Variants in GAD2 observed in about 807,000 individuals in gnomAD.
The protein encoded by GAD2 is glutamate decarboxylase 2.
GAD2 carries 22 observed loss-of-function variants against 80.1 expected under a neutral mutation model. The ratio of observed to expected loss-of-function variants is 0.27; its 90% CI spans 0.20 to 0.39. The LOEUF (loss-of-function observed/expected upper bound fraction) is 0.39, where lower values mean the gene tolerates loss of function less well. Ranked by LOEUF, GAD2 falls within the 10% of genes least tolerant of loss-of-function variation. The pLI, the probability that GAD2 is intolerant of heterozygous loss-of-function variation, is 1.00. For synonymous variants in GAD2, 274 were observed against 256.9 expected (o/e 1.07, Z -0.64); for missense variants, 624 against 738.4 (o/e 0.85, Z 1.80).
chr10:26,258,567 C>T (rs1377391203), intron 8 of GAD2, among the ~76,000 whole-genome samples: 2 of 152,116 alleles, frequency 1.3e-5, no homozygotes, highest in Non-Finnish European at 2.9e-5. Flanking sequence ...CCCCAGGAAA[C>T]GTCCACTCCA....
intron 11 of GAD2, among the ~76,000 whole-genome samples, chr10:26,276,719 T>C (rs1358539417): frequency 6.6e-6 from 1 of 152,212 alleles, no homozygotes; most frequent in Admixed American, 6.5e-5. Context: ...CTTTAGTCTC[T>C]CCTGCCCACA....
At chr10:26,285,695 A>T (rs546950027) in intron 12 of GAD2, among the ~76,000 whole-genome samples, 2 of 152,196 alleles carry the variant, frequency 1.3e-5, no homozygotes, top group East Asian at 3.9e-4. Flanking sequence ...TGAAGCTCTG[A>T]CCACTCTTGA....
In GAD2 at chr10:26,263,565, C is replaced by T. The variant is rs566571388; in HGVS notation, c.921-5554C>T. ...CAATTCATCTTCAACAATTTTTTCC[C>T]CAAGTCAGTCTATGCAGTTTCTGTA... is the stretch of plus-strand genomic sequence containing the variant. On this transcript the variant is annotated intron_variant, in intron 8 of 15. Coordinates refer to ENST00000376261, the MANE Select transcript of GAD2 (RefSeq NM_001134366.2). Among the ~76,000 whole-genome samples, 57 of 152,282 alleles carry T rather than the reference C, an allele frequency of 3.7e-4. No homozygotes were observed. In the South Asian group the frequency reaches 0.012, roughly 31 times the overall value.
intron 7 of GAD2, among the ~76,000 whole-genome samples, chr10:26,242,034 G>A (rs956967920): frequency 6.6e-6 from 1 of 152,150 alleles, no homozygotes; most frequent in Non-Finnish European, 1.5e-5. Context: ...AGGCTGGAGT[G>A]CAGTGGCGTG....
chr10:26,269,013 G>C (rs1417448873), intron 8 of GAD2, 106 bp from the exon 9 acceptor site: 1 of 710,430 alleles, frequency 1.4e-6, no homozygotes, highest in African/African-American at 1.8e-5. Context: ...TCCGAGTATT[G>C]TTATCAACAG....
At chr10:26,229,874 T>G in intron 7 of GAD2, 97 bp downstream of exon 7, 1 of 850,188 alleles carries the variant, frequency 1.2e-6, no homozygotes, top group Non-Finnish European at 1.9e-6. Context: ...AGAGGCCCTC[T>G]TTCTGGAAGA....
chr10:26,252,993 T>G (rs1208714408), intron 8 of GAD2, among the ~76,000 whole-genome samples: 1 of 152,094 alleles, frequency 6.6e-6, no homozygotes. Context: ...GGGGCTAACT[T>G]TGGGTGACAG....
chr10:26,236,846 A>AC (rs1318758100), intron 7 of GAD2, among the ~76,000 whole-genome samples: 4 of 151,630 alleles, frequency 2.6e-5, no homozygotes, highest in Non-Finnish European at 5.9e-5. Context: ...CCTCCTTCTC[A>AC]CCTCAGGGCC....
chr10:26,248,434 C>T (rs1479124547), intron 8 of GAD2, among the ~76,000 whole-genome samples: 5 of 152,172 alleles, frequency 3.3e-5, no homozygotes, highest in African/African-American at 9.7e-5. Context: ...TCAGTTTCCC[C>T]TCATCTGAGG....
intron 7 of GAD2, among the ~76,000 whole-genome samples, chr10:26,233,912 A>G (rs1844637082): frequency 6.6e-6 from 1 of 152,154 alleles, no homozygotes; most frequent in African/African-American, 2.4e-5. Flanking sequence ...CTCTTCACAC[A>G]TTTTGAGAGG....
chr10:26,271,438 A>G (rs1284119086), intron 10 of GAD2, among the ~76,000 whole-genome samples: 1 of 152,246 alleles, frequency 6.6e-6, no homozygotes, highest in African/African-American at 2.4e-5. Flanking sequence ...AGTATTACTC[A>G]AAGTGTGGTT....
In GAD2 at chr10:26,301,387, A is replaced by G. The variant is rs8190800; in HGVS notation, c.*426A>G. 6.6e-6 allele frequency: 1 copy of G among 152,526 alleles called. No individual in the cohort carries two copies. Among genetic ancestry groups the G allele is most frequent in the Non-Finnish European group, 1.5e-5 (1 of 68,290 alleles). 9.4% of individuals were successfully genotyped at this position (152,526 alleles called of 1,614,324 possible). On this transcript the variant is annotated 3_prime_UTR_variant, in exon 16 of 16. Coordinates refer to ENST00000376261, the MANE Select transcript of GAD2 (RefSeq NM_001134366.2). ...GACAATAAAAACTCTTGCCTTTTTC[A>G]TAGTATTAGAAAAAAATTTCTAATT...
At chr10:26,226,678 A>G (rs1482567263) in intron 6 of GAD2, among the ~76,000 whole-genome samples, 3 of 152,216 alleles carry the variant, frequency 2.0e-5, no homozygotes, top group African/African-American at 7.2e-5. Flanking sequence ...TCTGGGATCT[A>G]AAAGTCTCAT....
chr10:26,238,377 A>G (rs543955754), intron 7 of GAD2, among the ~76,000 whole-genome samples: 6 of 152,280 alleles, frequency 3.9e-5, no homozygotes, highest in Admixed American at 1.3e-4. Context: ...ACACACTTTC[A>G]TTCACTCTTC....
At chr10:26,299,453 T>C (rs956357860) in intron 15 of GAD2, among the ~76,000 whole-genome samples, 1 of 152,226 alleles carries the variant, frequency 6.6e-6, no homozygotes, top group Non-Finnish European at 1.5e-5. Context: ...TCAGATATTA[T>C]ATATTTACAA....
intron 8 of GAD2, among the ~76,000 whole-genome samples, chr10:26,248,990 C>T (rs2132290295): frequency 6.6e-6 from 1 of 151,628 alleles, no homozygotes; most frequent in East Asian, 1.9e-4. Flanking sequence ...AGTAGGAGGC[C>T]CTAGCAATTA....
In GAD2 at chr10:26,236,347, C is replaced by T. The variant is rs375764321; in HGVS notation, c.840+6570C>T. 4.7e-4 allele frequency among the ~76,000 whole-genome samples: 70 copies of T among 148,316 alleles called. 1 individual carries two copies. The East Asian group carries it at 0.012, about 26-fold the overall frequency. On this transcript the variant is annotated intron_variant, in intron 7 of 15. Coordinates refer to ENST00000376261, the MANE Select transcript of GAD2 (RefSeq NM_001134366.2). ...TGGAGTCTCACTCTTGTCGTCCAGGCTGGAGTGCAATGACGCAATCTCAGC... is the reference window on the plus strand; with the variant it reads ...TGGAGTCTCACTCTTGTCGTCCAGGTTGGAGTGCAATGACGCAATCTCAGC...
At chr10:26,218,975 C>A in intron 3 of GAD2, 68 bp from the exon 4 acceptor site, 1 of 1,171,030 alleles carries the variant, frequency 8.5e-7, no homozygotes, top group Non-Finnish European at 1.2e-6. Flanking sequence ...GTTATTGCCT[C>A]ATCAAGATCT....
chr10:26,271,705 A>G (rs1412573928), intron 10 of GAD2, among the ~76,000 whole-genome samples: 4 of 152,176 alleles, frequency 2.6e-5, no homozygotes, highest in Non-Finnish European at 5.9e-5. Flanking sequence ...ACAATGATCT[A>G]GCCCTGGCTT....
Sources: gnomAD v4.1 joint callset for allele counts (sites outside exome capture counted in the v4.1 genomes callset) on GRCh38, gnomAD v4.1.1 for gene constraint, MANE v1.5 for transcripts, NCBI Gene and HGNC (gene_info 2026-07-23, HGNC 2026-07-21) for gene names.